The following DLGAP5 variants were observed in gnomAD, a reference collection of about 807,000 sequenced individuals.
The protein encoded by DLGAP5 is disks large-associated protein 5.
DLGAP5 carries 90 observed loss-of-function variants against 99.6 expected under a neutral mutation model. That is an observed-to-expected ratio of 0.90 (90% CI 0.76 to 1.08). The LOEUF (loss-of-function observed/expected upper bound fraction) is 1.08, where lower values mean the gene tolerates loss of function less well. Among genes scored for constraint, DLGAP5 ranks in the 50% least tolerant of loss-of-function variants. DLGAP5 has a pLI of 0.00. For missense variants in DLGAP5, 1,036 were observed against 983.5 expected (o/e 1.05, Z -0.71); for synonymous variants, 311 against 321.3 (o/e 0.97, Z 0.34).
chr14:55,175,536 T>A, intron 9 of DLGAP5, 64 bp from the exon 10 acceptor site: 1 of 971,500 alleles, frequency 1.0e-6, no homozygotes, highest in Non-Finnish European at 1.5e-6. Context: ...TGACAGCCCC[T>A]AAAAAGACAT....
intron 17 of DLGAP5, 42 bp from the exon 18 acceptor site, chr14:55,150,890 C>A: frequency 7.6e-7 from 1 of 1,316,370 alleles, no homozygotes; most frequent in East Asian, 2.5e-5. Flanking sequence ...AATATTCTCA[C>A]ATTCGAGGGC....
intron 2 of DLGAP5, among the ~76,000 whole-genome samples, chr14:55,187,809 A>C (rs1883482158): frequency 1.3e-5 from 2 of 152,144 alleles, no homozygotes; most frequent in South Asian, 4.1e-4. Context: ...TTAAAACATG[A>C]ATCAGATTAC....
chr14:55,170,814 C>G, intron 10 of DLGAP5, 27 bp from the exon 11 acceptor site: 1 of 1,581,630 alleles, frequency 6.3e-7, no homozygotes, highest in Non-Finnish European at 8.7e-7. Context: ...CATTTCAGTT[C>G]TACAAGTGGT....
Position 55,179,677 on chromosome 14 carries a change from C to G in DLGAP5, c.726G>C (p.Val242=). The G allele has an allele frequency of 6.2e-7, 1 of 1,611,698 alleles. No homozygotes were observed. The change falls in exon 7 of 19, where the codon GTG becomes GTC. Residue 242 remains valine (V), a synonymous_variant. Coordinates refer to ENST00000247191, the MANE Select transcript of DLGAP5 (RefSeq NM_014750.5). ...TTTTGGCAGGTCTTCCTTTACTTGG[C>G]ACCTTTCCTTCTGGTTCGTTTTCTA... The part of the protein sequence containing the change: ...AANENEPEGK[V]PSKGRPAKNV...
At chr14:55,153,007 T>C (rs1218437523) in intron 15 of DLGAP5, among the ~76,000 whole-genome samples, 2 of 152,218 alleles carry the variant, frequency 1.3e-5, no homozygotes, top group Non-Finnish European at 2.9e-5. Flanking sequence ...TCAATTATTG[T>C]CTAGCTGGAG....
At chr14:55,179,497 T>G (rs1883205296) in intron 7 of DLGAP5, 132 bp downstream of exon 7, 1 of 603,524 alleles carries the variant, frequency 1.7e-6, no homozygotes, top group Non-Finnish European at 2.7e-6. Flanking sequence ...GATGCTTTCT[T>G]ATGGTTCAGG....
At chr14:55,176,585 T>C (rs779716162) in intron 8 of DLGAP5, among the ~76,000 whole-genome samples, 2 of 147,984 alleles carry the variant, frequency 1.4e-5, no homozygotes, top group African/African-American at 5.3e-5. Flanking sequence ...AATTACATTA[T>C]TGTACCTTCT....
At chr14:55,163,585 C>G (rs138484205) in intron 12 of DLGAP5, among the ~76,000 whole-genome samples, 1 of 152,120 alleles carries the variant, frequency 6.6e-6, no homozygotes, top group Non-Finnish European at 1.5e-5. Flanking sequence ...TTTAGTTTTG[C>G]GAGTGACTGC....
In DLGAP5 at chr14:55,158,762, A is replaced by G. The variant is rs773930677; in HGVS notation, c.1654-21T>C. 1.8e-5 allele frequency: 28 copies of G among 1,572,858 alleles called. No individual in the cohort carries two copies. The South Asian group carries it at 3.1e-4, about 18-fold the overall frequency. On this transcript the variant is annotated intron_variant, in intron 13 of 18. Transcript: ENST00000247191. The stretch of plus-strand genomic sequence containing the variant: ...TTTTTCTGCAAAGAGAAACTAACAT[A>G]GTAAAGCTGCCCATTACCATCTTAC...
At chr14:55,180,084 T>C (rs1381932675) in intron 6 of DLGAP5, among the ~76,000 whole-genome samples, 1 of 152,164 alleles carries the variant, frequency 6.6e-6, no homozygotes, top group Non-Finnish European at 1.5e-5. Flanking sequence ...TTGAACTTCA[T>C]GTCAATGCTC....
rs77694864 is a variant in DLGAP5 at position 55,183,272 on chromosome 14, T to C, written c.432+288A>G. ...TAATTTGACAACGGCACTACCCTTATTTATAAACTTCTCCTGATTCTGCAA... is the reference window on the plus strand; with the variant it reads ...TAATTTGACAACGGCACTACCCTTACTTATAAACTTCTCCTGATTCTGCAA... On this transcript the variant is annotated intron_variant, in intron 3 of 18. Coordinates refer to ENST00000247191, the MANE Select transcript of DLGAP5 (RefSeq NM_014750.5). Among the ~76,000 whole-genome samples the C allele has an allele frequency of 2.7e-3, 417 of 152,320 alleles. 17 individuals are homozygous for C. In the East Asian group the frequency reaches 0.07, roughly 26 times the overall value.
intron 11 of DLGAP5, 127 bp from the exon 12 acceptor site, chr14:55,169,686 A>G: frequency 1.4e-6 from 1 of 702,210 alleles, no homozygotes; most frequent in South Asian, 2.4e-5. Context: ...AACAAAAAAT[A>G]TCTACCACAA....
chr14:55,161,528 G>C (rs1882434104), intron 13 of DLGAP5, among the ~76,000 whole-genome samples: 1 of 148,984 alleles, frequency 6.7e-6, no homozygotes, highest in South Asian at 2.1e-4. Flanking sequence ...TCCTGCCTCA[G>C]CCTCCTGAGT....
Position 55,181,094 on chromosome 14 carries a change from A to C in DLGAP5, c.580+119T>G. 3.0e-6 allele frequency: 3 copies of C among 1,002,564 alleles called. No homozygotes were observed. In the South Asian group the frequency reaches 4.9e-5, roughly 16 times the overall value. 62.1% of individuals were successfully genotyped at this position (1,002,564 alleles called of 1,614,324 possible). A position where few individuals can be genotyped will look rare whatever the true frequency, so the allele number is the denominator to read the frequency against. ...TGTGCCACTGCACTCCAACCTGGGC[A>C]ACAGAGCAAGACTCTGTCACAAACA... is the stretch of plus-strand genomic sequence containing the variant. On this transcript the variant is annotated intron_variant, in intron 5 of 18. Transcript: ENST00000247191.
intron 12 of DLGAP5, among the ~76,000 whole-genome samples, chr14:55,166,159 A>C (rs942193804): frequency 6.6e-6 from 1 of 152,238 alleles, no homozygotes; most frequent in African/African-American, 2.4e-5. Flanking sequence ...ATGACCATCA[A>C]TTGGTGAATA....
intron 13 of DLGAP5, 120 bp from the exon 14 acceptor site, chr14:55,158,861 T>C (rs1882307331): frequency 4.4e-6 from 3 of 683,006 alleles, no homozygotes; most frequent in Admixed American, 3.0e-5. Flanking sequence ...ACATAAAATA[T>C]TTCACATTCA....
intron 12 of DLGAP5, among the ~76,000 whole-genome samples, chr14:55,167,808 A>G (rs1331517072): frequency 2.0e-5 from 3 of 152,184 alleles, no homozygotes; most frequent in African/African-American, 7.2e-5. Context: ...ATTGCTGTTG[A>G]GAGATCAATG....
intron 5 of DLGAP5, 22 bp from the exon 6 acceptor site, chr14:55,180,800 A>T: frequency 2.5e-6 from 4 of 1,613,926 alleles, no homozygotes; most frequent in Non-Finnish European, 3.4e-6. Context: ...AAAAATAACT[A>T]CATCAAATGT....
At chr14:55,151,630 T>A (rs1302760924) in intron 17 of DLGAP5, 65 bp downstream of exon 17, 5 of 1,508,196 alleles carry the variant, frequency 3.3e-6, no homozygotes, top group Non-Finnish European at 3.6e-6. Flanking sequence ...ATAGGATAAT[T>A]TATACCTTAA....
Sources: allele counts gnomAD v4.1 joint callset (sites outside exome capture counted in the v4.1 genomes callset), GRCh38; gene constraint gnomAD v4.1.1; transcripts MANE v1.5; gene names NCBI Gene and HGNC (gene_info 2026-07-23, HGNC 2026-07-21).